The following PDE12 variants were observed in gnomAD, a reference collection of about 807,000 sequenced individuals.
PDE12 encodes phosphodiesterase 12.
Under a neutral mutation model 45.4 loss-of-function variants are expected in PDE12, and 26 were observed. The observed-to-expected ratio is 0.57, with a 90% CI of 0.42 to 0.79. The LOEUF (loss-of-function observed/expected upper bound fraction) is 0.79. PDE12 is among the 30% of genes least tolerant of loss of function. PDE12 has a pLI of 0.00. For missense variants in PDE12, 668 were observed against 790.0 expected, an observed-to-expected ratio of 0.85 and a Z score of 1.85; for synonymous variants, 283 against 323.9, an observed-to-expected ratio of 0.87 and a Z score of 1.36.
the PDE12 span, among the ~76,000 whole-genome samples, chr3:57,593,609 T>C: frequency 1.3e-5 from 2 of 152,134 alleles, no homozygotes; most frequent in Non-Finnish European, 2.9e-5. Flanking sequence ...AACTGGAAAG[T>C]TCAAAGTAAA....
chr3:57,654,977 C>A, the PDE12 span: 1 of 215,496 alleles, frequency 4.6e-6, no homozygotes, highest in Non-Finnish European at 7.9e-6. Flanking sequence ...TGATATAATA[C>A]TATCACTGTG....
downstream of PDE12, chr3:57,571,549 A>G (rs1048572051): frequency 2.6e-5 from 4 of 152,724 alleles, no homozygotes; most frequent in African/African-American, 7.2e-5. Flanking sequence ...ATGCAACATA[A>G]AAAAGACACA....
chr3:57,613,922 AAG>A, the PDE12 span, among the ~76,000 whole-genome samples: 4 of 150,834 alleles, frequency 2.7e-5, no homozygotes, highest in East Asian at 7.8e-4. Context: ...AAAAAAAAAA[AAG>A]AAATATGAAG....
chr3:57,624,547 T>G, the PDE12 span, among the ~76,000 whole-genome samples: 1 of 151,898 alleles, frequency 6.6e-6, no homozygotes, highest in African/African-American at 2.4e-5. Flanking sequence ...ACAGATCACT[T>G]GAGGTCAGGA....
chr3:57,575,499 T>C, the PDE12 span: 1 of 1,541,746 alleles, frequency 6.5e-7, no homozygotes, highest in South Asian at 1.2e-5. Context: ...ACAACTATCC[T>C]AGTAAGTCTT....
the PDE12 span, among the ~76,000 whole-genome samples, chr3:57,642,225 A>T: frequency 6.6e-6 from 1 of 150,728 alleles, no homozygotes; most frequent in African/African-American, 2.4e-5. Flanking sequence ...GAGGCAGGAG[A>T]ATTGCTTGAA....
chr3:57,574,322 T>C, the PDE12 span, among the ~76,000 whole-genome samples: 1 of 152,140 alleles, frequency 6.6e-6, no homozygotes, highest in African/African-American at 2.4e-5. Flanking sequence ...AAAACTACTG[T>C]AAAAAGCCTA....
chr3:57,631,726 T>C, the PDE12 span, among the ~76,000 whole-genome samples: 1 of 143,210 alleles, frequency 7.0e-6, no homozygotes, highest in Non-Finnish European at 1.5e-5. Context: ...CTTTTTTTTT[T>C]TTTTTTTTTT....
rs939751991 is a variant in PDE12 at position 57,563,281 on chromosome 3, C to T, written c.*3277C>T. 4.6e-5 allele frequency: 7 copies of T among 152,202 alleles called. No homozygotes were observed. Among genetic ancestry groups the T allele is most frequent in the Non-Finnish European group, 1.0e-4 (7 of 68,048 alleles). 9.4% of individuals were successfully genotyped at this position (152,202 alleles called of 1,614,324 possible). ...CAAACTGCGGGGCTCAAATGATCCTCCTGCCTCAGCGTCCCAAGTAGTTGA... is the reference window on the plus strand; with the variant it reads ...CAAACTGCGGGGCTCAAATGATCCTTCTGCCTCAGCGTCCCAAGTAGTTGA... On this transcript the variant is annotated 3_prime_UTR_variant, in exon 3 of 3. Transcript: ENST00000311180.
the PDE12 span, chr3:57,600,796 G>A: frequency 6.6e-6 from 1 of 152,218 alleles, no homozygotes; most frequent in Non-Finnish European, 1.5e-5. Flanking sequence ...GGCCAAGATG[G>A]GAGACTCACT....
the PDE12 span, among the ~76,000 whole-genome samples, chr3:57,651,626 A>T: frequency 6.6e-6 from 1 of 152,002 alleles, no homozygotes; most frequent in African/African-American, 2.4e-5. Flanking sequence ...AAACTAGTGA[A>T]TTGTACTTTA....
the PDE12 span, among the ~76,000 whole-genome samples, chr3:57,588,924 G>T: frequency 2.6e-5 from 4 of 152,158 alleles, no homozygotes; most frequent in Non-Finnish European, 5.9e-5. Context: ...CCAACATGGA[G>T]AAAGCCCGTC....
At chr3:57,597,599 G>A in the PDE12 span, 377 of 159,200 alleles carry the variant, frequency 2.4e-3, no homozygotes, top group African/African-American at 8.4e-3. Context: ...GGCCGGCTGA[G>A]GCACATGCGT....
the PDE12 span, among the ~76,000 whole-genome samples, chr3:57,596,196 C>A: frequency 6.6e-6 from 1 of 152,086 alleles, no homozygotes; most frequent in Non-Finnish European, 1.5e-5. Context: ...AAAAAGTCAA[C>A]TTTCTAAAAA....
At chr3:57,650,818 C>G in the PDE12 span, among the ~76,000 whole-genome samples, 1 of 141,020 alleles carries the variant, frequency 7.1e-6, no homozygotes, top group Non-Finnish European at 1.5e-5. Context: ...GAGTTTTGCT[C>G]TTGTTGCCCA....
chr3:57,628,211 A>T, the PDE12 span: 2 of 1,610,452 alleles, frequency 1.2e-6, no homozygotes, highest in African/African-American at 2.7e-5. Flanking sequence ...ATCTTGGCAA[A>T]TATCATGTCA....
chr3:57,558,359 G>T (rs1451843538), intron 1 of PDE12, among the ~76,000 whole-genome samples: 2 of 152,142 alleles, frequency 1.3e-5, no homozygotes. Flanking sequence ...TGCTATAAAT[G>T]GTGAAATGAG....
chr3:57,611,482 C>T, the PDE12 span, among the ~76,000 whole-genome samples: 3 of 152,256 alleles, frequency 2.0e-5, no homozygotes, highest in East Asian at 1.9e-4. Context: ...GCAATCTACT[C>T]ATCTGACAAA....
At chr3:57,585,341 C>T in the PDE12 span, among the ~76,000 whole-genome samples, 1 of 152,116 alleles carries the variant, frequency 6.6e-6, no homozygotes, top group African/African-American at 2.4e-5. Context: ...AGTGGTATAA[C>T]TATGTTCTAA....
Sources: gnomAD v4.1 joint callset for allele counts (sites outside exome capture counted in the v4.1 genomes callset) on GRCh38, gnomAD v4.1.1 for gene constraint, MANE v1.5 for transcripts, NCBI Gene and HGNC (gene_info 2026-07-23, HGNC 2026-07-21) for gene names.